The following PCDHGA4 variants were observed in gnomAD, a reference collection of about 807,000 sequenced individuals.
PCDHGA4 encodes the protein protocadherin gamma subfamily A, 4.
In PCDHGA4, 38 loss-of-function variants were observed where a neutral mutation model predicts 54.6. The observed-to-expected ratio is 0.70, with a 90% CI of 0.54 to 0.91. PCDHGA4 has a LOEUF of 0.91. Among genes scored for constraint, PCDHGA4 ranks in the 40% least tolerant of loss-of-function variants. The pLI is 0.00. For missense variants in PCDHGA4, 1,298 were observed against 1,220.9 expected (o/e 1.06, Z -0.94); for synonymous variants, 511 against 512.9 (o/e 1.00, Z 0.05).
At chr5:141,390,373 ATT>A in intron 1 of PCDHGA4, 3 of 1,481,208 alleles carry the variant, frequency 2.0e-6, no homozygotes, top group Non-Finnish European at 2.8e-6. Flanking sequence ...AAAATATATA[ATT>A]TTTAGATGTC....
intron 1 of PCDHGA4, among the ~76,000 whole-genome samples, chr5:141,461,248 C>A (rs1209563726): frequency 6.6e-6 from 1 of 152,038 alleles, no homozygotes; most frequent in Non-Finnish European, 1.5e-5. Context: ...AATTTATATT[C>A]CCAGCAGCAA....
rs1407016089 is a variant in PCDHGA4 at position 141,489,914 on chromosome 5, C to T, written c.2515-4893C>T. On this transcript the variant is annotated intron_variant, in intron 1 of 3. Coordinates refer to ENST00000571252, the MANE Select transcript of PCDHGA4 (RefSeq NM_018917.4). The surrounding 1 kb of genome is among the most constrained non-coding windows in gnomAD (Gnocchi z 4.5). Reference sequence around the variant, plus strand: ...GGGGGGACCCCAGCCCGCTCAGGGACCACCCTTATCTCTGTCATCGTGCTG... The same window carrying T: ...GGGGGGACCCCAGCCCGCTCAGGGATCACCCTTATCTCTGTCATCGTGCTG... 3 of 1,614,094 alleles carry T rather than the reference C, an allele frequency of 1.9e-6. No individual in the cohort carries two copies. Among genetic ancestry groups the T allele is most frequent in the African/African-American group, 2.7e-5 (2 of 74,936 alleles).
intron 1 of PCDHGA4, chr5:141,388,083 C>A (rs942656707): frequency 1.5e-6 from 2 of 1,358,264 alleles, no homozygotes; most frequent in South Asian, 1.3e-5. Flanking sequence ...TCGAAAACTG[C>A]GCGTCAGTTC....
chr5:141,357,201 C>T lies in PCDHGA4; in HGVS notation c.2094C>T (p.Ser698=). The T allele has an allele frequency of 6.2e-7, 1 of 1,613,844 alleles. No individual in the cohort carries two copies. The highest frequency in any genetic ancestry group is 8.5e-7 in the Non-Finnish European group (1 of 1,179,888). The part of the protein sequence containing the change: ...TVTLTVAVAD[S]IPDVLADLGS... ...CACTCACTGTGGCTGTGGCCGACAG[C>T]ATCCCAGATGTCCTGGCTGACTTGG... Residue 698 remains serine, a synonymous_variant, in exon 1 of 4, where the codon AGC becomes AGT. Transcript: ENST00000571252.
intron 1 of PCDHGA4, chr5:141,404,457 C>T: frequency 6.2e-7 from 1 of 1,612,824 alleles, no homozygotes; most frequent in Non-Finnish European, 8.5e-7. Flanking sequence ...TCTCCTCTCT[C>T]CACCTATGTC....
At chr5:141,388,728 A>G (rs377444638) in intron 1 of PCDHGA4, 11 of 1,613,902 alleles carry the variant, frequency 6.8e-6, no homozygotes, top group Admixed American at 1.7e-5. Flanking sequence ...TTTCTCTTTC[A>G]GTGAAGCTAG....
At chr5:141,361,723 C>T (rs1282437481) in intron 1 of PCDHGA4, 3 of 1,613,236 alleles carry the variant, frequency 1.9e-6, no homozygotes, top group Non-Finnish European at 2.5e-6. Context: ...CGCCTTCGAG[C>T]TCACACTGCA....
chr5:141,495,818 GTTC>G (rs2099764072), intron 2 of PCDHGA4, among the ~76,000 whole-genome samples: 1 of 151,904 alleles, frequency 6.6e-6, no homozygotes, highest in South Asian at 2.1e-4. Context: ...AGCGCCTTGT[GTTC>G]TTCTATCCCC....
chr5:141,417,771 C>G, intron 1 of PCDHGA4: 1 of 1,456,488 alleles, frequency 6.9e-7, no homozygotes, highest in Non-Finnish European at 9.1e-7. Flanking sequence ...CGGGACTCCT[C>G]CTGTCCTGGG....
intron 1 of PCDHGA4, chr5:141,366,272 G>T (rs749693337): frequency 1.9e-6 from 3 of 1,613,726 alleles, no homozygotes; most frequent in South Asian, 1.1e-5. Context: ...GGCCGTCGAA[G>T]ACCATGGCCA....
At chr5:141,368,561 T>G (rs1765726428) in intron 1 of PCDHGA4, among the ~76,000 whole-genome samples, 2 of 152,184 alleles carry the variant, frequency 1.3e-5, no homozygotes, top group Non-Finnish European at 2.9e-5. Context: ...AAGAAAATGT[T>G]ATATGCTTCT....
chr5:141,376,790 C>T (rs993106299), intron 1 of PCDHGA4: 2 of 364,964 alleles, frequency 5.5e-6, no homozygotes, highest in Non-Finnish European at 9.9e-6. Context: ...GGGTTCACGC[C>T]ATTCTCCTGC....
chr5:141,399,327 G>C (rs2093787081), intron 1 of PCDHGA4: 2 of 1,613,936 alleles, frequency 1.2e-6, no homozygotes, highest in African/African-American at 1.3e-5. Flanking sequence ...CGTATAAGTT[G>C]GTAACAGATG....
chr5:141,397,248 T>C (rs2093496152), intron 1 of PCDHGA4, among the ~76,000 whole-genome samples: 1 of 152,168 alleles, frequency 6.6e-6, no homozygotes, highest in South Asian at 2.1e-4. Flanking sequence ...CGTAGTAGGG[T>C]ATATCATTTC....
intron 1 of PCDHGA4, among the ~76,000 whole-genome samples, chr5:141,439,208 C>A: frequency 6.6e-6 from 1 of 151,294 alleles, no homozygotes. Flanking sequence ...AAAAAAAATC[C>A]ATATGTGAAA....
chr5:141,430,110 C>T (rs919470038), intron 1 of PCDHGA4, among the ~76,000 whole-genome samples: 1 of 152,060 alleles, frequency 6.6e-6, no homozygotes, highest in Admixed American at 6.5e-5. Flanking sequence ...CGTTACATGT[C>T]AACAACCTGG....
At chr5:141,395,557 T>C (rs1405901510) in intron 1 of PCDHGA4, 1 of 136,750 alleles carries the variant, frequency 7.3e-6, no homozygotes, top group East Asian at 1.5e-4. Context: ...TGTGTGTGTG[T>C]GTGTGTGTGT....
intron 1 of PCDHGA4, chr5:141,410,044 C>T (rs1220745023): frequency 1.7e-5 from 27 of 1,613,184 alleles, no homozygotes; most frequent in Admixed American, 3.3e-5. Context: ...CCAGTGAGCC[C>T]GGACTCTTCA....
chr5:141,427,099 A>G (rs989437547), intron 1 of PCDHGA4: 3 of 457,936 alleles, frequency 6.6e-6, no homozygotes, highest in African/African-American at 6.0e-5. Context: ...GAGGGTGTCA[A>G]TGCGGAGATC....
Sources: allele counts gnomAD v4.1 joint callset (sites outside exome capture counted in the v4.1 genomes callset), GRCh38; gene constraint gnomAD v4.1.1; non-coding constraint Gnocchi (gnomAD v3.1); transcripts MANE v1.5; gene names NCBI Gene and HGNC (gene_info 2026-07-23, HGNC 2026-07-21).